The following ZNF695 variants were observed in gnomAD, a reference collection of about 807,000 sequenced individuals.
ZNF695 encodes zinc finger protein 695.
In ZNF695, 11 loss-of-function variants were observed where a neutral mutation model predicts 11.2. That is an observed-to-expected ratio of 0.98 (90% CI 0.62 to 1.62). The LOEUF (loss-of-function observed/expected upper bound fraction) is 1.62. ZNF695 is among the 40% of genes most tolerant of loss of function. ZNF695 has a pLI of 0.00. For missense variants in ZNF695, 559 were observed against 590.5 expected (o/e 0.95, Z 0.55); for synonymous variants, 190 against 201.4 (o/e 0.94, Z 0.48).
chr1:246,984,280 TAAA>T (rs1278200712), downstream of ZNF695, among the ~76,000 whole-genome samples: 9 of 130,970 alleles, frequency 6.9e-5, no homozygotes, highest in African/African-American at 1.5e-4. Context: ...ACACAGGTTT[TAAA>T]AAAAAAAAAA....
At chr1:246,964,226 C>G (rs1668233200) in intron 5 of ZNF695, among the ~76,000 whole-genome samples, 1 of 152,100 alleles carries the variant, frequency 6.6e-6, no homozygotes, top group South Asian at 2.1e-4. Flanking sequence ...ATAGGCACCA[C>G]CAATTACTAA....
downstream of ZNF695, among the ~76,000 whole-genome samples, chr1:246,983,203 CAA>C (rs765876016): frequency 2.4e-4 from 23 of 95,656 alleles, no homozygotes; most frequent in Non-Finnish European, 2.4e-4. Flanking sequence ...GACTCTGTCT[CAA>C]AAAAAAAAAA....
At chr1:246,953,391 G>A (rs921380004) in intron 5 of ZNF695, among the ~76,000 whole-genome samples, 2 of 151,560 alleles carry the variant, frequency 1.3e-5, no homozygotes, top group Non-Finnish European at 2.9e-5. Context: ...GGCGGATCAC[G>A]AGGTTAGGCG....
At chr1:246,951,299 T>C (rs1667864904) in intron 5 of ZNF695, among the ~76,000 whole-genome samples, 1 of 152,116 alleles carries the variant, frequency 6.6e-6, no homozygotes, top group Non-Finnish European at 1.5e-5. Context: ...GCAAGTGCAA[T>C]TAATTAAGTC....
At chr1:246,953,085 G>A (rs1050675056) in intron 5 of ZNF695, among the ~76,000 whole-genome samples, 1 of 151,986 alleles carries the variant, frequency 6.6e-6, no homozygotes, top group Non-Finnish European at 1.5e-5. Flanking sequence ...CTAGGCTTTC[G>A]GTGTAATACT....
chr1:247,000,323 G>T (rs1415461641), intron 1 of ZNF695, among the ~76,000 whole-genome samples: 1 of 151,972 alleles, frequency 6.6e-6, no homozygotes, highest in Admixed American at 6.6e-5. Context: ...TGGCCAACAC[G>T]GTGAAACCCC....
intron 5 of ZNF695, among the ~76,000 whole-genome samples, chr1:246,966,437 C>T (rs779097715): frequency 3.3e-5 from 5 of 151,748 alleles, no homozygotes; most frequent in South Asian, 4.2e-4. Context: ...GCCAAGATTG[C>T]GCCATTGCAC....
intron 3 of ZNF695, among the ~76,000 whole-genome samples, chr1:246,990,413 GAATA>G (rs974258809): frequency 4.6e-5 from 7 of 152,072 alleles, no homozygotes; most frequent in African/African-American, 1.7e-4. Flanking sequence ...ATCAGCAAGA[GAATA>G]TAACAATTGT....
downstream of ZNF695, chr1:246,945,563 T>C (rs1393553102): frequency 9.9e-6 from 5 of 503,880 alleles, no homozygotes; most frequent in Middle Eastern, 1.6e-3. Flanking sequence ...ATACATTTTC[T>C]TTTCTATTCA....
chr1:246,975,832 A>G (rs1668543714), intron 4 of ZNF695, among the ~76,000 whole-genome samples: 1 of 152,202 alleles, frequency 6.6e-6, no homozygotes, highest in African/African-American at 2.4e-5. Context: ...AACTAAAACA[A>G]AAGGGAATCT....
Position 246,986,371 on chromosome 1 carries a change from A to G in ZNF695, c.*596T>C. ...GAAAGAGCCACCGTGCCTGGCACCA[A>G]AAGGTATACTTGAAATGTAATTATA... On this transcript the variant is annotated 3_prime_UTR_variant, in exon 4 of 4. Transcript: ENST00000339986. The G allele has an allele frequency of 1.0e-6, 1 of 985,514 alleles. No individual in the cohort carries two copies. Among genetic ancestry groups the G allele is most frequent in the Non-Finnish European group, 1.2e-6 (1 of 829,964 alleles). The allele number at this position is 985,514 out of a possible 1,614,324, so 61.0% of individuals were successfully genotyped here.
intron 3 of ZNF695, among the ~76,000 whole-genome samples, chr1:246,993,653 A>G (rs1237402449): frequency 2.0e-5 from 3 of 152,218 alleles, no homozygotes; most frequent in African/African-American, 7.2e-5. Flanking sequence ...ATAAATATCC[A>G]GATAGCAACC....
chr1:246,947,620 T>C (rs1290783934), intron 5 of ZNF695, among the ~76,000 whole-genome samples: 1 of 151,962 alleles, frequency 6.6e-6, no homozygotes, highest in African/African-American at 2.4e-5. Flanking sequence ...TCTGGGACAC[T>C]GTGAGTGGTA....
intron 5 of ZNF695, chr1:246,967,275 C>A (rs4971282): frequency 0.33 from 145,932 of 435,718 alleles, 26,150 homozygotes; most frequent in Admixed American, 0.47. Context: ...TATTAAAAAG[C>A]CACTGGATTG....
Position 246,987,361 on chromosome 1 carries a change from C to T in ZNF695, c.1154G>A (p.Cys385Tyr). ...TGEKPYKCEE[C>Y]GKAFTWFSYL... ...TGAGAACCAGGTAAAAGCTTTGCCA[C>T]ATTCCTCACATTTGTATGGTTTCTC... Residue 385 changes from cysteine to tyrosine, a missense_variant, in exon 4 of 4, where the codon TGT becomes TAT. Transcript: ENST00000339986. 1.2e-6 allele frequency: 2 copies of T among 1,613,766 alleles called. No homozygotes were observed. The highest frequency in any genetic ancestry group is 1.7e-6 in the Non-Finnish European group (2 of 1,179,850).
intron 3 of ZNF695, among the ~76,000 whole-genome samples, chr1:246,994,999 T>C (rs34254934): frequency 0.039 from 5,993 of 152,236 alleles, 152 homozygotes; most frequent in South Asian, 0.12. Context: ...GGGTTCACGA[T>C]ATATAAAGCA....
chr1:246,971,249 T>C (rs565477985), intron 4 of ZNF695, among the ~76,000 whole-genome samples: 1 of 152,322 alleles, frequency 6.6e-6, no homozygotes, highest in South Asian at 2.1e-4. Context: ...ATTTCTTCTG[T>C]GCATTTCAAA....
chr1:246,970,810 AG>A (rs1668405153), intron 4 of ZNF695, among the ~76,000 whole-genome samples: 1 of 152,206 alleles, frequency 6.6e-6, no homozygotes, highest in Non-Finnish European at 1.5e-5. Context: ...TCTGTCGCCC[AG>A]GCTGGAGTGC....
chr1:246,976,606 A>T (rs374140430), intron 4 of ZNF695, among the ~76,000 whole-genome samples: 2 of 151,544 alleles, frequency 1.3e-5, no homozygotes, highest in African/African-American at 4.9e-5. Flanking sequence ...CATCCTGGCT[A>T]ACACGGTGAA....
Sources: gnomAD v4.1 joint callset for allele counts (sites outside exome capture counted in the v4.1 genomes callset) on GRCh38, gnomAD v4.1.1 for gene constraint, MANE v1.5 for transcripts, NCBI Gene and HGNC (gene_info 2026-07-23, HGNC 2026-07-21) for gene names.